ELMOD1: variants seen among roughly 807,000 people sequenced by gnomAD.
ELMOD1 encodes the protein ELMO domain-containing protein 1.
Under a neutral mutation model 46.7 loss-of-function variants are expected in ELMOD1, and 21 were observed. That is an observed-to-expected ratio of 0.45 (90% CI 0.32 to 0.65). The LOEUF (loss-of-function observed/expected upper bound fraction) is 0.65. Among genes scored for constraint, ELMOD1 ranks in the 30% least tolerant of loss-of-function variants. The pLI is 0.04. For synonymous variants in ELMOD1, 122 were observed against 138.2 expected, an observed-to-expected ratio of 0.88 and a Z score of 0.82; for missense variants, 348 against 407.8, an observed-to-expected ratio of 0.85 and a Z score of 1.26.
At chr11:107,622,584 C>T (rs1272061615) in intron 2 of ELMOD1, among the ~76,000 whole-genome samples, 1 of 152,216 alleles carries the variant, frequency 6.6e-6, no homozygotes, top group Non-Finnish European at 1.5e-5. Context: ...GCAAAGTAAC[C>T]TCTCCAAAGT....
intron 4 of ELMOD1, among the ~76,000 whole-genome samples, 180 bp from the exon 5 acceptor site, chr11:107,631,400 C>CCA (rs1866135922): frequency 1.6e-5 from 1 of 61,164 alleles, no homozygotes; most frequent in African/African-American, 9.6e-5. Flanking sequence ...TTGCACTACC[C>CCA]CCCCCCCCAT....
At chr11:107,621,758 G>A (rs998324362) in intron 2 of ELMOD1, among the ~76,000 whole-genome samples, 3 of 64,636 alleles carry the variant, frequency 4.6e-5, no homozygotes, top group Non-Finnish European at 1.0e-4. Context: ...CAGGCATGGT[G>A]GCTCACACCT....
intron 1 of ELMOD1, chr11:107,592,252 T>TG (rs1207579438): frequency 3.2e-6 from 1 of 311,678 alleles, no homozygotes; most frequent in East Asian, 8.1e-5. Flanking sequence ...AATGAATATG[T>TG]TGTCAGCCTT....
chr11:107,599,475 C>T (rs1865551152), intron 1 of ELMOD1, among the ~76,000 whole-genome samples: 1 of 152,026 alleles, frequency 6.6e-6, no homozygotes, highest in African/African-American at 2.4e-5. Context: ...GGTGCGGTGG[C>T]TCACACCTGT....
intron 6 of ELMOD1, chr11:107,643,962 A>G (rs567569785): frequency 6.2e-6 from 1 of 162,312 alleles, no homozygotes; most frequent in Non-Finnish European, 1.3e-5. Flanking sequence ...ATTAAAATGA[A>G]ATTTCTTTTT....
chr11:107,629,277 A>G (rs1297635678), intron 2 of ELMOD1, among the ~76,000 whole-genome samples: 3 of 152,194 alleles, frequency 2.0e-5, no homozygotes, highest in Admixed American at 1.3e-4. Flanking sequence ...AGAGGCTACT[A>G]GTTAACTACT....
chr11:107,603,846 C>T (rs1019574358), intron 1 of ELMOD1, among the ~76,000 whole-genome samples: 6 of 151,474 alleles, frequency 4.0e-5, no homozygotes, highest in Admixed American at 1.3e-4. Context: ...CCACTGCACT[C>T]CAGCCTGGGT....
At chr11:107,664,819 A>G (rs1023168382) in intron 11 of ELMOD1, among the ~76,000 whole-genome samples, 7 of 152,126 alleles carry the variant, frequency 4.6e-5, no homozygotes. Context: ...GCCAATTGCA[A>G]AAAGCTTGCA....
chr11:107,598,232 G>C (rs975193220), intron 1 of ELMOD1, among the ~76,000 whole-genome samples: 4 of 152,170 alleles, frequency 2.6e-5, no homozygotes, highest in African/African-American at 9.7e-5. Context: ...ACAATCTGCT[G>C]TCTGCAAACT....
intron 2 of ELMOD1, 138 bp from the exon 3 acceptor site, chr11:107,630,269 GTAGCATGGGA>G: frequency 4.8e-6 from 3 of 629,808 alleles, no homozygotes; most frequent in Non-Finnish European, 7.7e-6. Context: ...TGCAAATAAA[GTAGCATGGGA>G]CTAGAAACAT....
intron 10 of ELMOD1, among the ~76,000 whole-genome samples, chr11:107,654,446 A>G (rs531523656): frequency 6.6e-6 from 1 of 152,352 alleles, no homozygotes; most frequent in African/African-American, 2.4e-5. Context: ...AGTTGTAATT[A>G]TAAGGAAATG....
intron 1 of ELMOD1, among the ~76,000 whole-genome samples, chr11:107,601,832 C>A (rs1865604833): frequency 6.6e-6 from 1 of 152,124 alleles, no homozygotes; most frequent in Non-Finnish European, 1.5e-5. Context: ...GTCAAATAAT[C>A]TGTCAGTTCC....
At chr11:107,636,417 C>T (rs1418258212) in intron 6 of ELMOD1, among the ~76,000 whole-genome samples, 1 of 152,160 alleles carries the variant, frequency 6.6e-6, no homozygotes, top group Non-Finnish European at 1.5e-5. Context: ...GAAATTAAGA[C>T]CCCACAATAA....
chr11:107,663,544 T>C (rs955603530), intron 11 of ELMOD1, among the ~76,000 whole-genome samples: 3 of 151,540 alleles, frequency 2.0e-5, no homozygotes, highest in African/African-American at 7.3e-5. Context: ...CCTTCTCCTA[T>C]ATTTACAGAG....
intron 1 of ELMOD1, chr11:107,591,873 G>C (rs778948403): frequency 4.1e-6 from 2 of 484,492 alleles, no homozygotes; most frequent in African/African-American, 3.9e-5. Context: ...CGGGCTGCGG[G>C]GCCGCCGGAC....
Position 107,633,089 on chromosome 11 carries a change from C to A in ELMOD1, c.290+1412C>A, listed in dbSNP as rs181087878. 2.7e-3 allele frequency among the ~76,000 whole-genome samples: 415 copies of A among 152,238 alleles called. 5 individuals are homozygous for A. Among genetic ancestry groups the A allele is most frequent in the African/African-American group, 9.5e-3 (395 of 41,552 alleles). Reference sequence around the variant, plus strand: ...AACACAAATGAATTTCATGTTTAGACTTGTGTCCCATCCCCAAGGTATCTC... The same window carrying A: ...AACACAAATGAATTTCATGTTTAGAATTGTGTCCCATCCCCAAGGTATCTC... On this transcript the variant is annotated intron_variant, in intron 5 of 11. Coordinates refer to ENST00000265840, the MANE Select transcript of ELMOD1 (RefSeq NM_018712.4).
At chr11:107,653,107 T>C (rs887506401) in intron 9 of ELMOD1, among the ~76,000 whole-genome samples, 1 of 152,182 alleles carries the variant, frequency 6.6e-6, no homozygotes, top group Non-Finnish European at 1.5e-5. Flanking sequence ...ATTACATCTC[T>C]ATCTGCATTG....
intron 6 of ELMOD1, among the ~76,000 whole-genome samples, chr11:107,636,999 T>A (rs1342069836): frequency 6.6e-6 from 1 of 152,256 alleles, no homozygotes; most frequent in Non-Finnish European, 1.5e-5. Context: ...TCCCTCAGAA[T>A]GAGTGACATC....
chr11:107,654,299 C>A (rs1866582304), intron 10 of ELMOD1, 77 bp downstream of exon 10: 1 of 1,274,998 alleles, frequency 7.8e-7, no homozygotes, highest in Admixed American at 2.0e-5. Context: ...TCATGAAAGA[C>A]AAGGGTGAAA....
Sources: gnomAD v4.1 joint callset for allele counts (sites outside exome capture counted in the v4.1 genomes callset) on GRCh38, gnomAD v4.1.1 for gene constraint, MANE v1.5 for transcripts, NCBI Gene and HGNC (gene_info 2026-07-23, HGNC 2026-07-21) for gene names.